KCNIP4: variants seen among roughly 807,000 people sequenced by gnomAD.
KCNIP4 encodes the protein Kv channel-interacting protein 4.
Under a neutral mutation model 34.0 loss-of-function variants are expected in KCNIP4, and 12 were observed. The ratio of observed to expected loss-of-function variants is 0.35; its 90% CI spans 0.23 to 0.57. The LOEUF (loss-of-function observed/expected upper bound fraction) is 0.57, where lower values mean the gene tolerates loss of function less well. Among genes scored for constraint, KCNIP4 ranks in the 20% least tolerant of loss-of-function variants. The pLI, the probability that KCNIP4 is intolerant of heterozygous loss-of-function variation, is 0.83. For missense variants in KCNIP4, 238 were observed against 311.7 expected, an observed-to-expected ratio of 0.76 and a Z score of 1.78; for synonymous variants, 124 against 102.2, an observed-to-expected ratio of 1.21 and a Z score of -1.29.
At chr4:21,715,575 G>A (rs972616609) in intron 1 of KCNIP4, among the ~76,000 whole-genome samples, 1 of 152,178 alleles carries the variant, frequency 6.6e-6, no homozygotes, top group African/African-American at 2.4e-5. Flanking sequence ...CTTTTGTCTT[G>A]ATACAACATT....
At chr4:21,504,478 AGAAAGAAAGAAAG>A (rs367807328) in intron 1 of KCNIP4, among the ~76,000 whole-genome samples, 5,734 of 114,014 alleles carry the variant, frequency 0.05, 529 homozygotes, top group African/African-American at 0.18. Flanking sequence ...AAAAAAAAAA[AGAAAGAAAGAAAG>A]AAAGAAAGAA....
intron 1 of KCNIP4, among the ~76,000 whole-genome samples, chr4:21,814,689 G>A (rs991738493): frequency 3.9e-5 from 6 of 152,108 alleles, no homozygotes; most frequent in African/African-American, 1.4e-4. Flanking sequence ...GGCTGAAGAG[G>A]GACATTTTCA....
intron 1 of KCNIP4, among the ~76,000 whole-genome samples, chr4:21,614,672 C>T (rs1744450452): frequency 1.3e-5 from 2 of 149,876 alleles, no homozygotes; most frequent in African/African-American, 4.9e-5. Flanking sequence ...ATAATTTAAG[C>T]TTATATAGAT....
At chr4:20,962,315 C>T (rs748970487) in intron 1 of KCNIP4, among the ~76,000 whole-genome samples, 12 of 152,194 alleles carry the variant, frequency 7.9e-5, no homozygotes, top group East Asian at 3.9e-4. Flanking sequence ...GCATCACTCC[C>T]GACTGGGAGG....
intron 1 of KCNIP4, among the ~76,000 whole-genome samples, chr4:21,476,669 A>G (rs1012973343): frequency 5.9e-5 from 9 of 152,186 alleles, no homozygotes; most frequent in Non-Finnish European, 1.0e-4. Context: ...TTAAGACTCC[A>G]AATCTCAAAG....
intron 3 of KCNIP4, among the ~76,000 whole-genome samples, chr4:20,774,260 T>G (rs1051896658): frequency 6.6e-6 from 1 of 152,198 alleles, no homozygotes; most frequent in Non-Finnish European, 1.5e-5. Context: ...TGTTTATCCT[T>G]GTTAAATACC....
chr4:20,890,915 G>A (rs1460037642), intron 1 of KCNIP4, among the ~76,000 whole-genome samples: 1 of 152,140 alleles, frequency 6.6e-6, no homozygotes, highest in African/African-American at 2.4e-5. Context: ...GGTGGCATAT[G>A]CAAGTGGTCA....
chr4:21,688,375 A>AT (rs772370780), intron 1 of KCNIP4, among the ~76,000 whole-genome samples: 17 of 152,278 alleles, frequency 1.1e-4, no homozygotes, highest in Non-Finnish European at 2.5e-4. Context: ...AGAGTCCAAA[A>AT]ACCAAAACAC....
chr4:21,764,507 T>TG (rs1391009300), intron 1 of KCNIP4, among the ~76,000 whole-genome samples: 1 of 152,126 alleles, frequency 6.6e-6, no homozygotes, highest in Non-Finnish European at 1.5e-5. Context: ...AAACAAGGTG[T>TG]GTCATATTGG....
At chr4:21,053,617 G>GA (rs1033185645) in intron 1 of KCNIP4, among the ~76,000 whole-genome samples, 3 of 152,054 alleles carry the variant, frequency 2.0e-5, no homozygotes, top group Non-Finnish European at 4.4e-5. Context: ...TAGAAAATAC[G>GA]AAAGAATTGA....
At chr4:21,610,573 T>A (rs1160972691) in intron 1 of KCNIP4, among the ~76,000 whole-genome samples, 1 of 152,096 alleles carries the variant, frequency 6.6e-6, no homozygotes, top group Non-Finnish European at 1.5e-5. Context: ...AAAAACACAA[T>A]CAAAATTCAC....
intron 3 of KCNIP4, among the ~76,000 whole-genome samples, chr4:20,785,162 G>T (rs528973946): frequency 6.6e-5 from 10 of 152,130 alleles, no homozygotes; most frequent in Admixed American, 1.3e-4. Context: ...ATTAGGATGG[G>T]GGAAGAGGTA....
intron 1 of KCNIP4, among the ~76,000 whole-genome samples, chr4:21,241,084 G>A (rs1050624496): frequency 6.6e-6 from 1 of 151,904 alleles, no homozygotes; most frequent in African/African-American, 2.4e-5. Flanking sequence ...TACATGTTTT[G>A]TTGCTAAAGA....
chr4:21,528,675 CAAAGA>C (rs1736201809), intron 1 of KCNIP4, among the ~76,000 whole-genome samples: 1 of 84,182 alleles, frequency 1.2e-5, no homozygotes, highest in Non-Finnish European at 2.5e-5. Flanking sequence ...TCATAAAAAA[CAAAGA>C]AAGAAAGAAA....
At chr4:20,954,146 T>C (rs1050896313) in intron 1 of KCNIP4, among the ~76,000 whole-genome samples, 2 of 152,166 alleles carry the variant, frequency 1.3e-5, no homozygotes, top group Non-Finnish European at 2.9e-5. Context: ...CAAGAGCTCA[T>C]GATCAAAAAT....
chr4:21,892,694 C>T (rs1727177448), intron 1 of KCNIP4, among the ~76,000 whole-genome samples: 1 of 151,896 alleles, frequency 6.6e-6, no homozygotes, highest in African/African-American at 2.4e-5. Context: ...CAATCAAAAC[C>T]GATTAAAATA....
intron 5 of KCNIP4, among the ~76,000 whole-genome samples, chr4:20,743,203 T>C (rs574901631): frequency 6.6e-6 from 1 of 152,252 alleles, no homozygotes; most frequent in South Asian, 2.1e-4. Context: ...CAAGGTGTAA[T>C]TTATAGATTC....
At chr4:20,886,812 C>T (rs1725362634) in intron 1 of KCNIP4, among the ~76,000 whole-genome samples, 1 of 152,152 alleles carries the variant, frequency 6.6e-6, no homozygotes, top group African/African-American at 2.4e-5. Context: ...TAGAATGCTT[C>T]GAAACAATAT....
chr4:21,837,442 G>A (rs534176267), intron 1 of KCNIP4, among the ~76,000 whole-genome samples: 1 of 146,172 alleles, frequency 6.8e-6, no homozygotes, highest in South Asian at 2.2e-4. Flanking sequence ...GACTGAGGCA[G>A]GAGAATCACT....
Sources: gnomAD v4.1 joint callset for allele counts (sites outside exome capture counted in the v4.1 genomes callset) on GRCh38, gnomAD v4.1.1 for gene constraint, MANE v1.5 for transcripts, NCBI Gene and HGNC (gene_info 2026-07-23, HGNC 2026-07-21) for gene names.